The following GARIN1A variants were observed in gnomAD, a reference collection of about 807,000 sequenced individuals.
The protein encoded by GARIN1A is golgi associated RAB2 interactor 1A, also known as Golgi-associated RAB2 interactor protein 1A.
At chr7:128,707,012 G>A in the GARIN1A span, among the ~76,000 whole-genome samples, 50 of 150,088 alleles carry the variant, frequency 3.3e-4, no homozygotes, top group East Asian at 2.2e-3. Context: ...CATGGGGTAT[G>A]CTCTCTCCTA....
the GARIN1A span, chr7:128,680,173 C>G: frequency 7.2e-7 from 1 of 1,385,554 alleles, no homozygotes; most frequent in Non-Finnish European, 9.9e-7. Flanking sequence ...GGGGTCAGCT[C>G]CAGATCCCTT....
chr7:128,681,886 C>CT, the GARIN1A span, among the ~76,000 whole-genome samples: 1 of 109,568 alleles, frequency 9.1e-6, no homozygotes. Flanking sequence ...ACTGCACCCC[C>CT]CCCCACAACC....
At chr7:128,695,381 A>G in the GARIN1A span, among the ~76,000 whole-genome samples, 1 of 152,172 alleles carries the variant, frequency 6.6e-6, no homozygotes, top group African/African-American at 2.4e-5. The surrounding 1 kb of genome is among the most constrained non-coding windows in gnomAD (Gnocchi z 4.5). Context: ...CAGACTGACA[A>G]TGAACCCTTA....
the GARIN1A span, among the ~76,000 whole-genome samples, chr7:128,681,887 C>G: frequency 6.7e-6 from 1 of 149,470 alleles, no homozygotes; most frequent in Non-Finnish European, 1.5e-5. Flanking sequence ...CTGCACCCCC[C>G]CCCACAACCC....
chr7:128,702,327 G>T, the GARIN1A span, among the ~76,000 whole-genome samples: 4 of 152,058 alleles, frequency 2.6e-5, no homozygotes. Context: ...ATATATTATA[G>T]GTTTGTAACA....
chr7:128,699,182 A>G, the GARIN1A span, among the ~76,000 whole-genome samples: 3 of 151,622 alleles, frequency 2.0e-5, no homozygotes, highest in Non-Finnish European at 4.4e-5. Flanking sequence ...TTAAATATGT[A>G]TTACAAAAAT....
the GARIN1A span, chr7:128,677,519 A>AAAAAG: frequency 1.7e-5 from 25 of 1,472,848 alleles, no homozygotes; most frequent in Non-Finnish European, 2.2e-5. Flanking sequence ...AAAAAAAAAA[A>AAAAAG]AGAAACCACG....
chr7:128,676,172 ATT>A, the GARIN1A span, among the ~76,000 whole-genome samples: 6 of 148,838 alleles, frequency 4.0e-5, no homozygotes, highest in African/African-American at 9.9e-5. Flanking sequence ...TGCCCAGCTA[ATT>A]TTTTTTTTTG....
At chr7:128,690,173 C>T in the GARIN1A span, among the ~76,000 whole-genome samples, 4 of 152,200 alleles carry the variant, frequency 2.6e-5, no homozygotes, top group African/African-American at 9.7e-5. Context: ...AAGGGCAGTG[C>T]AAGATGTGCT....
the GARIN1A span, among the ~76,000 whole-genome samples, chr7:128,674,796 A>G: frequency 6.6e-6 from 1 of 152,086 alleles, no homozygotes; most frequent in African/African-American, 2.4e-5. Flanking sequence ...CGATAGTTTT[A>G]CAAAGTCTAG....
chr7:128,674,836 T>C, the GARIN1A span, among the ~76,000 whole-genome samples: 1 of 152,286 alleles, frequency 6.6e-6, no homozygotes, highest in East Asian at 1.9e-4. Flanking sequence ...GGCTCATGCC[T>C]GTGATCCCAG....
At chr7:128,689,304 C>T in the GARIN1A span, among the ~76,000 whole-genome samples, 1 of 151,642 alleles carries the variant, frequency 6.6e-6, no homozygotes, top group African/African-American at 2.4e-5. Flanking sequence ...GCTGCCCAGT[C>T]TGGGAAGTGA....
chr7:128,700,683 A>G, the GARIN1A span, among the ~76,000 whole-genome samples: 1 of 152,198 alleles, frequency 6.6e-6, no homozygotes, highest in African/African-American at 2.4e-5. Flanking sequence ...AAACATGCAT[A>G]CATACATAGC....
chr7:128,680,263 C>T, the GARIN1A span: 3 of 524,386 alleles, frequency 5.7e-6, no homozygotes, highest in South Asian at 4.0e-5. Context: ...TAGTCATGCA[C>T]ATGGCTTTTT....
chr7:128,679,156 A>T, the GARIN1A span, among the ~76,000 whole-genome samples: 1 of 150,482 alleles, frequency 6.6e-6, no homozygotes, highest in African/African-American at 2.4e-5. Context: ...CCATTTTTCT[A>T]TTGGCAATCT....
the GARIN1A span, among the ~76,000 whole-genome samples, chr7:128,674,794 T>TG: frequency 1.3e-5 from 2 of 152,152 alleles, no homozygotes; most frequent in Non-Finnish European, 2.9e-5. Context: ...GTCGATAGTT[T>TG]TACAAAGTCT....
the GARIN1A span, among the ~76,000 whole-genome samples, chr7:128,698,965 G>A: frequency 1.3e-5 from 2 of 152,194 alleles, no homozygotes; most frequent in African/African-American, 4.8e-5. Flanking sequence ...CAGGGAATAG[G>A]GGAACATCCT....
At chr7:128,695,871 C>T in the GARIN1A span, among the ~76,000 whole-genome samples, 2 of 152,054 alleles carry the variant, frequency 1.3e-5, no homozygotes, top group Admixed American at 6.6e-5. The surrounding 1 kb of genome is among the most constrained non-coding windows in gnomAD (Gnocchi z 4.5). Flanking sequence ...TTTCCTTTTC[C>T]TCCAGTAGAA....
At chr7:128,707,216 A>ATG in the GARIN1A span, among the ~76,000 whole-genome samples, 2 of 47,362 alleles carry the variant, frequency 4.2e-5, no homozygotes, top group African/African-American at 7.5e-5. Context: ...TATTGTGTGT[A>ATG]TGTATGTGTG....
Sources: gnomAD v4.1 joint callset for allele counts (sites outside exome capture counted in the v4.1 genomes callset) on GRCh38, gnomAD v4.1.1 for gene constraint, Gnocchi (gnomAD v3.1) non-coding constraint, MANE v1.5 for transcripts, NCBI Gene and HGNC (gene_info 2026-07-23, HGNC 2026-07-21) for gene names.